Variants in BRINP3 observed in about 807,000 individuals in gnomAD.
The protein encoded by BRINP3 is BMP/retinoic acid inducible neural specific 3, also known as BMP/retinoic acid-inducible neural-specific protein 3.
Under a neutral mutation model 71.0 loss-of-function variants are expected in BRINP3, and 19 were observed. The ratio of observed to expected loss-of-function variants is 0.27; its 90% CI spans 0.19 to 0.39. The LOEUF (loss-of-function observed/expected upper bound fraction) is 0.39. Among genes scored for constraint, BRINP3 ranks in the 10% least tolerant of loss-of-function variants. The probability of loss-of-function intolerance (pLI) is 1.00; values close to 1 mark genes in which losing one functional copy is unlikely to be tolerated. For synonymous variants in BRINP3, 380 were observed against 337.7 expected, an observed-to-expected ratio of 1.13 and a Z score of -1.37; for missense variants, 959 against 940.8, an observed-to-expected ratio of 1.02 and a Z score of -0.25.
chr1:190,399,675 T>C (rs146265460), intron 2 of BRINP3, among the ~76,000 whole-genome samples: 39 of 152,142 alleles, frequency 2.6e-4, no homozygotes, highest in African/African-American at 8.9e-4. Context: ...ATACAGACTA[T>C]CTTTTACCTA....
chr1:190,350,541 C>A (rs1168396549), intron 2 of BRINP3, among the ~76,000 whole-genome samples: 1 of 152,068 alleles, frequency 6.6e-6, no homozygotes. Context: ...CACTAATAAC[C>A]ATGTGCATCC....
At position 190,290,337 on chromosome 1, in the gene BRINP3, G is replaced by A. The variant is rs567937353; in HGVS notation, c.237-8587C>T. On this transcript the variant is annotated intron_variant, in intron 2 of 7. Coordinates refer to ENST00000367462, the MANE Select transcript of BRINP3 (RefSeq NM_199051.3). ...AGTTGTGGTACTCCAAGCATCTTAC[G>A]GTTAATACACTTTGAGAACAGCAAT... is the stretch of plus-strand genomic sequence containing the variant. Among the ~76,000 whole-genome samples, 9 of 152,078 alleles carry A rather than the reference G, an allele frequency of 5.9e-5. No homozygotes were observed. In the South Asian group the frequency reaches 8.3e-4, roughly 14 times the overall value.
At chr1:190,283,098 T>G (rs781591910) in intron 2 of BRINP3, among the ~76,000 whole-genome samples, 2 of 151,948 alleles carry the variant, frequency 1.3e-5, no homozygotes, top group Non-Finnish European at 2.9e-5. Flanking sequence ...AAACAGCCCA[T>G]TTTTGTCACT....
intron 7 of BRINP3, among the ~76,000 whole-genome samples, chr1:190,146,960 T>C (rs1276648051): frequency 2.6e-5 from 4 of 152,164 alleles, no homozygotes; most frequent in Non-Finnish European, 4.4e-5. Context: ...TATTCAAAAT[T>C]TCCCTTAAAT....
At chr1:190,102,825 C>G (rs1191690687) in intron 7 of BRINP3, among the ~76,000 whole-genome samples, 1 of 151,836 alleles carries the variant, frequency 6.6e-6, no homozygotes, top group Non-Finnish European at 1.5e-5. Flanking sequence ...GAAAATAATT[C>G]CTCAAAAATC....
chr1:190,363,654 G>A (rs7523369), intron 2 of BRINP3, among the ~76,000 whole-genome samples: 5 of 152,120 alleles, frequency 3.3e-5, no homozygotes, highest in Non-Finnish European at 2.9e-5. Flanking sequence ...GGACAAATAC[G>A]ACAATGTTGC....
chr1:190,166,084 G>A (rs1571889083), intron 6 of BRINP3, among the ~76,000 whole-genome samples: 1 of 152,100 alleles, frequency 6.6e-6, no homozygotes. Flanking sequence ...ATGACTTTGA[G>A]TAGCCACACA....
intron 7 of BRINP3, among the ~76,000 whole-genome samples, chr1:190,142,814 A>G (rs971019299): frequency 1.3e-5 from 2 of 150,674 alleles, no homozygotes; most frequent in Non-Finnish European, 3.0e-5. Context: ...TGCTTCAGCA[A>G]TATGTTTTAT....
At chr1:190,411,961 G>C (rs1206262163) in intron 2 of BRINP3, among the ~76,000 whole-genome samples, 1 of 152,082 alleles carries the variant, frequency 6.6e-6, no homozygotes, top group Non-Finnish European at 1.5e-5. Context: ...TCTGTTAATA[G>C]AGCTGTCAGA....
At chr1:190,127,469 T>G (rs1654180424) in intron 7 of BRINP3, among the ~76,000 whole-genome samples, 1 of 152,038 alleles carries the variant, frequency 6.6e-6, no homozygotes, top group Middle Eastern at 3.4e-3. Context: ...AACATATAAT[T>G]AGGTTTCATC....
intron 3 of BRINP3, among the ~76,000 whole-genome samples, chr1:190,278,420 C>T (rs1252498067): frequency 6.6e-6 from 1 of 151,372 alleles, no homozygotes; most frequent in African/African-American, 2.4e-5. Flanking sequence ...TCAGGTAAAA[C>T]AGTGAAGGTT....
At chr1:190,402,816 C>T (rs898688000) in intron 2 of BRINP3, among the ~76,000 whole-genome samples, 1 of 152,178 alleles carries the variant, frequency 6.6e-6, no homozygotes, top group Non-Finnish European at 1.5e-5. Context: ...CCTGCAGCCT[C>T]AACCTCCCAG....
At chr1:190,435,557 T>C (rs1191899264) in intron 2 of BRINP3, among the ~76,000 whole-genome samples, 1 of 152,078 alleles carries the variant, frequency 6.6e-6, no homozygotes, top group Non-Finnish European at 1.5e-5. Flanking sequence ...TATATTAATG[T>C]TTAATCTTCT....
At chr1:190,316,600 A>G (rs939490248) in intron 2 of BRINP3, among the ~76,000 whole-genome samples, 1 of 152,126 alleles carries the variant, frequency 6.6e-6, no homozygotes, top group Non-Finnish European at 1.5e-5. Context: ...ATATTTTACT[A>G]AATGAGATTT....
intron 2 of BRINP3, among the ~76,000 whole-genome samples, chr1:190,355,453 C>A (rs1185332832): frequency 2.0e-5 from 3 of 151,710 alleles, no homozygotes; most frequent in Non-Finnish European, 2.9e-5. Context: ...TGGCCAAAAA[C>A]CAAAAACAAA....
chr1:190,266,133 T>C (rs1304462062), intron 3 of BRINP3, among the ~76,000 whole-genome samples: 3 of 152,218 alleles, frequency 2.0e-5, no homozygotes, highest in Non-Finnish European at 2.9e-5. Flanking sequence ...TAGCACATAA[T>C]TGTCAAACTT....
chr1:190,404,207 T>C (rs1185669502), intron 2 of BRINP3, among the ~76,000 whole-genome samples: 2 of 152,170 alleles, frequency 1.3e-5, no homozygotes, highest in Non-Finnish European at 2.9e-5. Context: ...AATGAAAACA[T>C]TTCAGTATGT....
In BRINP3 at chr1:190,187,387, T is replaced by C. The variant is rs148232876; in HGVS notation, c.962-26497A>G. On this transcript the variant is annotated intron_variant, in intron 6 of 7. Coordinates refer to ENST00000367462, the MANE Select transcript of BRINP3 (RefSeq NM_199051.3). ...TGCAGAATATTTTTTTATTTTTATG[T>C]AATCCTATTAGTATACTTTTGCTTT... is the stretch of plus-strand genomic sequence containing the variant. 5.4e-3 allele frequency among the ~76,000 whole-genome samples: 827 copies of C among 152,242 alleles called. 6 individuals carry two copies. The highest frequency in any genetic ancestry group is 0.018 in the African/African-American group (754 of 41,568).
At chr1:190,206,456 GAAGTA>G (rs1335840417) in intron 6 of BRINP3, among the ~76,000 whole-genome samples, 1 of 151,852 alleles carries the variant, frequency 6.6e-6, no homozygotes. Context: ...ACATTTTTAA[GAAGTA>G]AAGTGCAGCA....
Sources: allele counts gnomAD v4.1 joint callset (sites outside exome capture counted in the v4.1 genomes callset), GRCh38; gene constraint gnomAD v4.1.1; transcripts MANE v1.5; gene names NCBI Gene and HGNC (gene_info 2026-07-23, HGNC 2026-07-21).